ATRNL1: variants seen among roughly 807,000 people sequenced by gnomAD.
The protein encoded by ATRNL1 is attractin-like protein 1.
ATRNL1 carries 95 observed loss-of-function variants against 182.7 expected under a neutral mutation model. That is an observed-to-expected ratio of 0.52 (90% CI 0.44 to 0.62). ATRNL1 has a LOEUF of 0.62. Ranked by LOEUF, ATRNL1 falls within the 20% of genes least tolerant of loss-of-function variation. The pLI, the probability that ATRNL1 is intolerant of heterozygous loss-of-function variation, is 0.00. For synonymous variants in ATRNL1, 576 were observed against 568.3 expected (o/e 1.01, Z -0.19); for missense variants, 1,471 against 1,679.5 (o/e 0.88, Z 2.17).
chr10:115,752,265 C>T (rs1948469834), intron 27 of ATRNL1, among the ~76,000 whole-genome samples: 1 of 151,890 alleles, frequency 6.6e-6, no homozygotes, highest in Admixed American at 6.6e-5. Context: ...GATGATGAAA[C>T]ATCCAAAAGA....
In ATRNL1 at chr10:115,107,731, C is replaced by G. The variant is rs556225215; in HGVS notation, c.294-12454C>G. On this transcript the variant is annotated intron_variant, in intron 1 of 28. Coordinates refer to ENST00000355044, the MANE Select transcript of ATRNL1 (RefSeq NM_207303.4). ...ATCTCCACAACTTGTGCAGTCTGTG[C>G]ACCTGCAGAATTGGCACCACATGGA... 1.4e-4 allele frequency among the ~76,000 whole-genome samples: 21 copies of G among 152,348 alleles called. No homozygotes were observed. In the South Asian group the frequency reaches 4.3e-3, roughly 32 times the overall value.
intron 26 of ATRNL1, among the ~76,000 whole-genome samples, chr10:115,693,720 C>T (rs1946464910): frequency 6.6e-6 from 1 of 151,934 alleles, no homozygotes; most frequent in South Asian, 2.1e-4. Flanking sequence ...ATGCTGTAAA[C>T]AACTGTAACA....
intron 26 of ATRNL1, among the ~76,000 whole-genome samples, chr10:115,647,749 T>C (rs191047612): frequency 6.6e-6 from 1 of 152,306 alleles, no homozygotes; most frequent in Admixed American, 6.5e-5. Context: ...GTTCTGTAGG[T>C]TGCCTGTTCA....
At chr10:115,726,607 T>C (rs1233632175) in intron 26 of ATRNL1, among the ~76,000 whole-genome samples, 6 of 152,184 alleles carry the variant, frequency 3.9e-5, no homozygotes, top group Non-Finnish European at 7.4e-5. Context: ...GAAACAAGTA[T>C]CTGGGGGTGC....
chr10:115,628,082 G>C (rs1181638454), intron 26 of ATRNL1, among the ~76,000 whole-genome samples: 1 of 151,252 alleles, frequency 6.6e-6, no homozygotes, highest in African/African-American at 2.4e-5. Flanking sequence ...GGGAGGCGGA[G>C]GTTACAGTGA....
chr10:115,444,410 A>G (rs1402123458), intron 21 of ATRNL1, among the ~76,000 whole-genome samples: 1 of 152,076 alleles, frequency 6.6e-6, no homozygotes, highest in Non-Finnish European at 1.5e-5. Context: ...TATTTAAGTC[A>G]TATCTGGCTA....
intron 21 of ATRNL1, among the ~76,000 whole-genome samples, chr10:115,434,721 A>G (rs774719515): frequency 2.0e-5 from 3 of 152,186 alleles, no homozygotes; most frequent in Non-Finnish European, 4.4e-5. Flanking sequence ...AAAGGCATGC[A>G]TTCCAATAAA....
chr10:115,581,169 T>C (rs1006423818), intron 26 of ATRNL1, among the ~76,000 whole-genome samples: 1 of 152,188 alleles, frequency 6.6e-6, no homozygotes, highest in Non-Finnish European at 1.5e-5. Flanking sequence ...CTAGTGTCTT[T>C]TAAGAAATGT....
intron 25 of ATRNL1, among the ~76,000 whole-genome samples, chr10:115,543,303 T>C (rs1554992604): frequency 1.3e-5 from 2 of 152,230 alleles, no homozygotes; most frequent in East Asian, 1.9e-4. Flanking sequence ...CTTGAACATA[T>C]AAGCAATTTT....
chr10:115,863,500 A>T (rs1275749700), intron 28 of ATRNL1, among the ~76,000 whole-genome samples: 1 of 152,240 alleles, frequency 6.6e-6, no homozygotes, highest in Non-Finnish European at 1.5e-5. Flanking sequence ...CTGGGTAATG[A>T]GAGCTAGTTT....
intron 21 of ATRNL1, among the ~76,000 whole-genome samples, chr10:115,455,330 C>T (rs1847468958): frequency 6.6e-6 from 1 of 151,970 alleles, no homozygotes; most frequent in African/African-American, 2.4e-5. Context: ...GAAATAATAC[C>T]ACACGTCTAC....
At chr10:115,429,376 A>T in intron 21 of ATRNL1, among the ~76,000 whole-genome samples, 1 of 152,002 alleles carries the variant, frequency 6.6e-6, no homozygotes, top group East Asian at 1.9e-4. Context: ...TCCTTTTTCA[A>T]TATTTTTTAC....
intron 8 of ATRNL1, among the ~76,000 whole-genome samples, chr10:115,198,917 A>G (rs1848454543): frequency 6.6e-6 from 1 of 152,080 alleles, no homozygotes; most frequent in Admixed American, 6.6e-5. Context: ...TTTGTAGTAG[A>G]TTTTGCAATC....
At chr10:115,159,183 G>A (rs1186046398) in intron 5 of ATRNL1, among the ~76,000 whole-genome samples, 4 of 151,306 alleles carry the variant, frequency 2.6e-5, no homozygotes, top group South Asian at 4.1e-4. Context: ...ATGTATGTTT[G>A]TTTTATGCTT....
At chr10:115,691,587 T>C (rs962079192) in intron 26 of ATRNL1, among the ~76,000 whole-genome samples, 5 of 152,108 alleles carry the variant, frequency 3.3e-5, no homozygotes, top group Admixed American at 6.5e-5. Flanking sequence ...CTGAGCATGG[T>C]GGTGCATGCC....
intron 27 of ATRNL1, among the ~76,000 whole-genome samples, chr10:115,837,886 T>A (rs1950716151): frequency 6.6e-6 from 1 of 152,304 alleles, no homozygotes; most frequent in South Asian, 2.1e-4. Context: ...ACTATTAACA[T>A]TGACCCATAT....
chr10:115,861,769 G>T (rs1951321782), intron 28 of ATRNL1, among the ~76,000 whole-genome samples: 1 of 151,932 alleles, frequency 6.6e-6, no homozygotes, highest in African/African-American at 2.4e-5. Flanking sequence ...TCATTCATAA[G>T]ATCATTGTTT....
rs7072943 is a variant in ATRNL1, at chr10:115,521,309, C to T, written c.3716+1985C>T. ...CTGGGATTACAGGCACGTGCCACCA[C>T]GCCCAGCTAATTTTTGTATTTTTAG... On this transcript the variant is annotated intron_variant, in intron 25 of 28. Coordinates refer to ENST00000355044, the MANE Select transcript of ATRNL1 (RefSeq NM_207303.4). Among the ~76,000 whole-genome samples, 13 of 152,102 alleles carry T rather than the reference C, an allele frequency of 8.5e-5. No individual in the cohort carries two copies. In the East Asian group the frequency reaches 2.3e-3, roughly 27 times the overall value.
chr10:115,187,496 T>G (rs908392587), intron 8 of ATRNL1, among the ~76,000 whole-genome samples: 1 of 152,046 alleles, frequency 6.6e-6, no homozygotes, highest in Non-Finnish European at 1.5e-5. Context: ...TGAGAACTGG[T>G]GATCCCAGAC....
Sources: gnomAD v4.1 joint callset for allele counts (sites outside exome capture counted in the v4.1 genomes callset) on GRCh38, gnomAD v4.1.1 for gene constraint, MANE v1.5 for transcripts, NCBI Gene and HGNC (gene_info 2026-07-23, HGNC 2026-07-21) for gene names.